ZNF236: variants seen among roughly 807,000 people sequenced by gnomAD.
ZNF236 encodes zinc finger protein 236, also known as regulated by glucose.
Under a neutral mutation model 191.2 loss-of-function variants are expected in ZNF236, and 50 were observed. The observed-to-expected ratio is 0.26, with a 90% CI of 0.21 to 0.33. The LOEUF (loss-of-function observed/expected upper bound fraction) is 0.33. ZNF236 is among the 10% of genes least tolerant of loss of function. ZNF236 has a pLI of 1.00. For synonymous variants in ZNF236, 907 were observed against 928.8 expected (o/e 0.98, Z 0.43); for missense variants, 1,754 against 2,374.5 (o/e 0.74, Z 5.43).
chr18:76,874,662 G>A (rs1313578095), intron 5 of ZNF236, among the ~76,000 whole-genome samples: 4 of 152,166 alleles, frequency 2.6e-5, no homozygotes, highest in African/African-American at 7.2e-5. Context: ...GGAATGGACC[G>A]GAAAGTCCTC....
At chr18:76,826,807 A>G (rs1209313504) in intron 1 of ZNF236, among the ~76,000 whole-genome samples, 1 of 151,810 alleles carries the variant, frequency 6.6e-6, no homozygotes, top group Non-Finnish European at 1.5e-5. Flanking sequence ...CTCAAAAAAA[A>G]AAAAAAAGCA....
At chr18:76,888,716 G>A (rs1027975588) in intron 9 of ZNF236, 1 of 152,138 alleles carries the variant, frequency 6.6e-6, no homozygotes, top group Non-Finnish European at 1.5e-5. Context: ...CAAAAGAGCA[G>A]GCTATCCATC....
intron 1 of ZNF236, among the ~76,000 whole-genome samples, chr18:76,842,480 G>A (rs1045073216): frequency 6.7e-6 from 1 of 149,560 alleles, no homozygotes; most frequent in African/African-American, 2.5e-5. Context: ...AGCCTGGTGC[G>A]ATGGCTGACA....
intron 25 of ZNF236, among the ~76,000 whole-genome samples, chr18:76,929,669 T>C (rs1417763248): frequency 2.0e-5 from 3 of 152,242 alleles, no homozygotes; most frequent in African/African-American, 7.2e-5. Flanking sequence ...TTAAATGAGT[T>C]AATGAAATAA....
At chr18:76,934,646 A>G (rs1448944212) in intron 25 of ZNF236, among the ~76,000 whole-genome samples, 4 of 152,220 alleles carry the variant, frequency 2.6e-5, no homozygotes, top group African/African-American at 4.8e-5. Flanking sequence ...TAGTTCAACA[A>G]TTTAACATTT....
intron 19 of ZNF236, among the ~76,000 whole-genome samples, chr18:76,917,506 G>T (rs1251429780): frequency 1.3e-5 from 2 of 152,030 alleles, no homozygotes. Context: ...GATCATTGTG[G>T]GGGAAACTGC....
Position 76,969,024 on chromosome 18 carries a change from G to C in ZNF236, c.*685G>C. ...CTGACCCACCAATAAGGATTCAGCTGTCCACACGGGCTGGCGACACACTTA... is the reference window on the plus strand; with the variant it reads ...CTGACCCACCAATAAGGATTCAGCTCTCCACACGGGCTGGCGACACACTTA... On this transcript the variant is annotated 3_prime_UTR_variant, in exon 31 of 31. Transcript: ENST00000320610. The C allele has an allele frequency of 1.0e-6, 1 of 972,102 alleles. No individual in the cohort carries two copies. Among genetic ancestry groups the C allele is most frequent in the Non-Finnish European group, 1.2e-6 (1 of 817,340 alleles). 60.2% of individuals were successfully genotyped at this position (972,102 alleles called of 1,614,324 possible).
At position 76,972,129 on chromosome 18, in the gene ZNF236, C is replaced by T. The variant is rs187883500; in HGVS notation, c.*3790C>T. ...ATTTTTTAGAATGAAATTTCAAAAG[C>T]GCCTACACGCACCACCCAATTTAAT... On this transcript the variant is annotated 3_prime_UTR_variant, in exon 31 of 31. Transcript: ENST00000320610. Among the ~76,000 whole-genome samples the T allele has an allele frequency of 5.0e-4, 76 of 152,280 alleles. No homozygotes were observed. The highest frequency in any genetic ancestry group is 1.4e-3 in the African/African-American group (57 of 41,568).
intron 30 of ZNF236, among the ~76,000 whole-genome samples, chr18:76,965,457 A>C (rs977465298): frequency 6.6e-6 from 1 of 152,102 alleles, no homozygotes; most frequent in East Asian, 1.9e-4. Context: ...GCTGTTAAAG[A>C]GCCTTGTTTT....
chr18:76,889,050 C>A (rs1977148978), intron 9 of ZNF236, among the ~76,000 whole-genome samples: 1 of 152,232 alleles, frequency 6.6e-6, no homozygotes, highest in African/African-American at 2.4e-5. Context: ...CCTGCCTGCA[C>A]TTCTGACTCT....
intron 10 of ZNF236, among the ~76,000 whole-genome samples, chr18:76,897,563 G>A (rs1018641619): frequency 6.9e-6 from 1 of 144,402 alleles, no homozygotes; most frequent in Admixed American, 7.0e-5. Flanking sequence ...GCTGCCCACA[G>A]GTACTGCACA....
intron 26 of ZNF236, among the ~76,000 whole-genome samples, chr18:76,937,763 T>C (rs540279163): frequency 8.5e-5 from 13 of 152,334 alleles, no homozygotes; most frequent in African/African-American, 2.4e-4. Context: ...GAATTTTTCA[T>C]GCCCTTAGTC....
At chr18:76,965,136 C>T (rs977370409) in intron 30 of ZNF236, among the ~76,000 whole-genome samples, 32 of 152,234 alleles carry the variant, frequency 2.1e-4, no homozygotes, top group East Asian at 9.6e-4. Flanking sequence ...ACCTTGTCTT[C>T]GAGCTCTGAA....
intron 30 of ZNF236, among the ~76,000 whole-genome samples, chr18:76,965,085 T>A (rs1409422720): frequency 6.6e-6 from 1 of 152,200 alleles, no homozygotes; most frequent in East Asian, 1.9e-4. Context: ...TATTTTCTTA[T>A]TCTTTTTTCT....
Position 76,960,022 on chromosome 18 carries a change from T to C in ZNF236, c.5242+206T>C, listed in dbSNP as rs903645497. Among the ~76,000 whole-genome samples the C allele has an allele frequency of 6.6e-6, 1 of 152,190 alleles. No individual in the cohort carries two copies. The highest frequency in any genetic ancestry group is 6.5e-5 in the Admixed American group (1 of 15,286). The stretch of plus-strand genomic sequence containing the variant: ...ATGGAAGATTTTGCTGCTTACATTA[T>C]GACCATATGAAACAGAAGCATCAGG... On this transcript the variant is annotated intron_variant, in intron 29 of 30. Coordinates refer to ENST00000320610, the MANE Select transcript of ZNF236 (RefSeq NM_001306089.2). The surrounding 1 kb of genome is among the most constrained non-coding windows in gnomAD (Gnocchi z 4.4).
intron 12 of ZNF236, among the ~76,000 whole-genome samples, chr18:76,904,779 G>T (rs1043083146): frequency 6.6e-6 from 1 of 152,154 alleles, no homozygotes; most frequent in African/African-American, 2.4e-5. Context: ...AAATGTCAAA[G>T]AAGTTTATTT....
chr18:76,830,372 G>C (rs1975134740), intron 1 of ZNF236, among the ~76,000 whole-genome samples: 1 of 152,068 alleles, frequency 6.6e-6, no homozygotes, highest in Non-Finnish European at 1.5e-5. Flanking sequence ...GTTATTTCCA[G>C]TTTTTGGCTC....
chr18:76,845,309 T>C (rs1275523998), intron 1 of ZNF236, among the ~76,000 whole-genome samples: 2 of 152,188 alleles, frequency 1.3e-5, no homozygotes, highest in Non-Finnish European at 1.5e-5. Context: ...ATTCTACATA[T>C]GCACCCCCTG....
At chr18:76,827,200 G>A (rs1366492366) in intron 1 of ZNF236, among the ~76,000 whole-genome samples, 1 of 148,328 alleles carries the variant, frequency 6.7e-6, no homozygotes, top group Non-Finnish European at 1.5e-5. Context: ...CCGGCCTGTT[G>A]TTGAGACGGA....
Sources: allele counts gnomAD v4.1 joint callset (sites outside exome capture counted in the v4.1 genomes callset), GRCh38; gene constraint gnomAD v4.1.1; non-coding constraint Gnocchi (gnomAD v3.1); transcripts MANE v1.5; gene names NCBI Gene and HGNC (gene_info 2026-07-23, HGNC 2026-07-21).